NRP1: variants seen among roughly 807,000 people sequenced by gnomAD.
NRP1 encodes the protein neuropilin 1, also known as neuropilin-1.
Under a neutral mutation model 106.7 loss-of-function variants are expected in NRP1, and 35 were observed. The observed-to-expected ratio is 0.33, with a 90% CI of 0.25 to 0.43. NRP1 has a LOEUF of 0.43. NRP1 is among the 20% of genes least tolerant of loss of function. The pLI is 1.00. For missense variants in NRP1, 1,024 were observed against 1,170.4 expected (o/e 0.87, Z 1.83); for synonymous variants, 437 against 417.9 (o/e 1.05, Z -0.56).
chr10:33,209,656 CA>C (rs1178933097), intron 9 of NRP1, among the ~76,000 whole-genome samples: 1 of 151,694 alleles, frequency 6.6e-6, no homozygotes, highest in Admixed American at 6.6e-5. Context: ...TTTGCATTTT[CA>C]GTAGAAACGG....
At chr10:33,257,642 A>T (rs1842288709) in intron 4 of NRP1, among the ~76,000 whole-genome samples, 1 of 152,110 alleles carries the variant, frequency 6.6e-6, no homozygotes, top group Admixed American at 6.5e-5. Context: ...CACACAAAAA[A>T]AACAACAATT....
chr10:33,193,002 C>G (rs981269422), intron 12 of NRP1, among the ~76,000 whole-genome samples: 4 of 151,962 alleles, frequency 2.6e-5, no homozygotes, highest in African/African-American at 4.8e-5. Flanking sequence ...TCTATAAGGT[C>G]GATTAATTTA....
At chr10:33,311,909 TA>T (rs1413229967) in intron 2 of NRP1, among the ~76,000 whole-genome samples, 1 of 152,186 alleles carries the variant, frequency 6.6e-6, no homozygotes, top group Non-Finnish European at 1.5e-5. Context: ...AGGAAAGGTG[TA>T]ATGACAAAAA....
intron 2 of NRP1, among the ~76,000 whole-genome samples, chr10:33,277,601 TAG>T (rs1843802149): frequency 6.6e-6 from 1 of 152,210 alleles, no homozygotes; most frequent in South Asian, 2.1e-4. Context: ...CTATAAGAAA[TAG>T]AGAGGCTGGG....
intron 4 of NRP1, among the ~76,000 whole-genome samples, chr10:33,259,136 G>A (rs1285627089): frequency 2.0e-5 from 3 of 152,152 alleles, no homozygotes; most frequent in African/African-American, 7.2e-5. Flanking sequence ...TGGGGAGGGC[G>A]GAAGGGGAAT....
At chr10:33,291,911 T>C (rs902828220) in intron 2 of NRP1, among the ~76,000 whole-genome samples, 1 of 152,188 alleles carries the variant, frequency 6.6e-6, no homozygotes, top group Non-Finnish European at 1.5e-5. Context: ...TTGTTTTTCA[T>C]TTTGTTTTTT....
rs910351077 is a variant in NRP1, at chr10:33,300,203, C to T, written c.249-29347G>A. On this transcript the variant is annotated intron_variant, in intron 2 of 16. Coordinates refer to ENST00000374867, the MANE Select transcript of NRP1 (RefSeq NM_003873.7). ...GTGTCAAAGTGTTTCCAATCACCAA[C>T]GAGCTTTCAAGGGGACAAGAAAGTT... Among the ~76,000 whole-genome samples, 31 of 152,286 alleles carry T rather than the reference C, an allele frequency of 2.0e-4. 1 individual carries two copies. The highest frequency in any genetic ancestry group is 2.0e-3 in the Admixed American group (30 of 15,294).
At chr10:33,248,054 G>A (rs1841554669) in intron 6 of NRP1, among the ~76,000 whole-genome samples, 1 of 152,104 alleles carries the variant, frequency 6.6e-6, no homozygotes, top group Admixed American at 6.5e-5. Flanking sequence ...TTGGGAGGCT[G>A]AGGCAAGCAG....
chr10:33,312,328 C>G (rs1032144102), intron 2 of NRP1, among the ~76,000 whole-genome samples: 11 of 152,266 alleles, frequency 7.2e-5, no homozygotes, highest in African/African-American at 2.6e-4. Context: ...CATCTGTGTC[C>G]TTGTTTAGCC....
intron 13 of NRP1, among the ~76,000 whole-genome samples, chr10:33,187,011 C>A (rs112764160): frequency 0.011 from 1,727 of 152,150 alleles, 12 homozygotes; most frequent in Non-Finnish European, 0.02. Context: ...GCCCATGCCA[C>A]CATGCTCAGC....
chr10:33,216,340 G>A (rs1838769229), intron 8 of NRP1, among the ~76,000 whole-genome samples: 1 of 151,938 alleles, frequency 6.6e-6, no homozygotes, highest in Non-Finnish European at 1.5e-5. Flanking sequence ...GTTTCACAGT[G>A]TTAGCCAGGA....
At chr10:33,244,941 A>G (rs1178766126) in intron 6 of NRP1, among the ~76,000 whole-genome samples, 2 of 152,190 alleles carry the variant, frequency 1.3e-5, no homozygotes, top group East Asian at 3.9e-4. Context: ...TTGAGACCCA[A>G]TTGTACAGGC....
intron 8 of NRP1, among the ~76,000 whole-genome samples, chr10:33,215,617 T>G (rs981674579): frequency 6.6e-6 from 1 of 152,178 alleles, no homozygotes; most frequent in Non-Finnish European, 1.5e-5. Flanking sequence ...AGCAACTCAA[T>G]TCTGCGTTAT....
At chr10:33,219,357 C>T (rs1444566498) in intron 8 of NRP1, among the ~76,000 whole-genome samples, 1 of 152,198 alleles carries the variant, frequency 6.6e-6, no homozygotes, top group Admixed American at 6.5e-5. Flanking sequence ...ATATGTCTGC[C>T]TGCCTTCTGT....
intron 2 of NRP1, among the ~76,000 whole-genome samples, chr10:33,322,636 G>A (rs575662345): frequency 6.6e-6 from 1 of 152,130 alleles, no homozygotes; most frequent in East Asian, 1.9e-4. Context: ...TCTCACCTCC[G>A]TCTCCCAAAG....
intron 1 of NRP1, among the ~76,000 whole-genome samples, chr10:33,333,250 GT>G (rs1848412465): frequency 1.3e-5 from 2 of 150,786 alleles, no homozygotes; most frequent in African/African-American, 4.9e-5. Flanking sequence ...TTTTGCATGT[GT>G]TTTGCTTTAA....
Position 33,263,697 on chromosome 10 carries a change from C to G in NRP1, c.607G>C (p.Gly203Arg), listed in dbSNP as rs909532212. The G allele has an allele frequency of 2.5e-6, 4 of 1,614,098 alleles. No individual in the cohort carries two copies. Among genetic ancestry groups the G allele is most frequent in the Non-Finnish European group, 3.4e-6 (4 of 1,180,006 alleles). Residue 203 changes from glycine (G) to arginine (R), a missense_variant, in exon 4 of 17, where the codon GGG (glycine) becomes CGG (arginine). Gly to Arg is a moderately radical substitution (Grantham distance 125). Coordinates refer to ENST00000374867, the MANE Select transcript of NRP1 (RefSeq NM_003873.7). Reference sequence around the variant, plus strand: ...AGCCGGTCGTAGCGACAGAACATCCCCCCTGGAGGATTTGAGTCAGGCTCC... The same window carrying G: ...AGCCGGTCGTAGCGACAGAACATCCGCCCTGGAGGATTTGAGTCAGGCTCC... ...DLEPDSNPPG[G>R]MFCRYDRLEI... is the part of the protein sequence containing the mutation.
intron 6 of NRP1, among the ~76,000 whole-genome samples, chr10:33,237,492 C>T (rs1840660482): frequency 7.1e-6 from 1 of 141,744 alleles, no homozygotes; most frequent in Admixed American, 6.9e-5. Context: ...CGCGCGCACA[C>T]ACACACACAC....
chr10:33,225,254 G>T (rs761902482), intron 7 of NRP1, among the ~76,000 whole-genome samples: 5 of 152,134 alleles, frequency 3.3e-5, no homozygotes, highest in Non-Finnish European at 5.9e-5. Flanking sequence ...TTCACACCCA[G>T]GGGGCTTTTC....
Sources: allele counts gnomAD v4.1 joint callset (sites outside exome capture counted in the v4.1 genomes callset), GRCh38; gene constraint gnomAD v4.1.1; transcripts MANE v1.5; gene names NCBI Gene and HGNC (gene_info 2026-07-23, HGNC 2026-07-21).